SORBS2: variants seen among roughly 807,000 people sequenced by gnomAD.
SORBS2 encodes sorbin and SH3 domain containing 2.
In SORBS2, 46 loss-of-function variants were observed where a neutral mutation model predicts 97.7. The ratio of observed to expected loss-of-function variants is 0.47; its 90% CI spans 0.37 to 0.60. SORBS2 has a LOEUF of 0.60. Among genes scored for constraint, SORBS2 ranks in the 20% least tolerant of loss-of-function variants. The pLI, the probability that SORBS2 is intolerant of heterozygous loss-of-function variation, is 0.00. For synonymous variants in SORBS2, 476 were observed against 473.4 expected, an observed-to-expected ratio of 1.01 and a Z score of -0.07; for missense variants, 1,316 against 1,282.3, an observed-to-expected ratio of 1.03 and a Z score of -0.40.
At chr4:185,646,544 T>C (rs1168830176) in intron 4 of SORBS2, 124 bp downstream of exon 13, 2 of 616,286 alleles carry the variant, frequency 3.2e-6, no homozygotes, top group Non-Finnish European at 5.9e-6. Context: ...TTATACAAAA[T>C]AAACATGATT....
chr4:185,806,938 G>C (rs2099159473), intron 1 of SORBS2, among the ~76,000 whole-genome samples: 1 of 152,064 alleles, frequency 6.6e-6, no homozygotes, highest in African/African-American at 2.4e-5. Context: ...CAAGGAACCT[G>C]AAAAGAAGAA....
intron 1 of SORBS2, among the ~76,000 whole-genome samples, chr4:185,895,389 TCA>T (rs2099244519): frequency 2.0e-5 from 3 of 152,364 alleles, no homozygotes; most frequent in African/African-American, 7.2e-5. Context: ...TCCCTTGTCC[TCA>T]TAACCGAAGC....
intron 1 of SORBS2, among the ~76,000 whole-genome samples, chr4:185,782,137 A>G (rs999652964): frequency 6.6e-6 from 1 of 152,234 alleles, no homozygotes; most frequent in Non-Finnish European, 1.5e-5. Flanking sequence ...ACAAGAGTAC[A>G]TTTTTTGGTT....
At chr4:185,616,691 G>A (rs1299554385) in intron 9 of SORBS2, among the ~76,000 whole-genome samples, 1 of 152,140 alleles carries the variant, frequency 6.6e-6, no homozygotes, top group East Asian at 1.9e-4. Context: ...TCAAAACTGT[G>A]TCCCTCTCAT....
intron 2 of SORBS2, among the ~76,000 whole-genome samples, chr4:185,738,967 C>A (rs2153582283): frequency 6.6e-6 from 1 of 152,308 alleles, no homozygotes; most frequent in Non-Finnish European, 1.5e-5. Context: ...TCTCTATTTG[C>A]ATAGTTAGCT....
intron 1 of SORBS2, among the ~76,000 whole-genome samples, chr4:185,879,005 TTTTGTTTG>T (rs372565455): frequency 2.6e-5 from 4 of 152,074 alleles, no homozygotes; most frequent in South Asian, 2.1e-4. Flanking sequence ...TCGGCTTTGT[TTTTGTTTG>T]TTTGTTTGTT....
chr4:185,737,990 C>T (rs1185596879), intron 2 of SORBS2, among the ~76,000 whole-genome samples: 1 of 152,180 alleles, frequency 6.6e-6, no homozygotes, highest in East Asian at 1.9e-4. Context: ...CTTCGTGAAA[C>T]GGACACACTA....
intron 1 of SORBS2, among the ~76,000 whole-genome samples, chr4:185,897,140 CG>C: frequency 6.6e-6 from 1 of 152,312 alleles, no homozygotes; most frequent in South Asian, 2.1e-4. Flanking sequence ...CCTCCAGGAC[CG>C]TCACAGTAAC....
chr4:185,903,553 G>T (rs2099248905), intron 1 of SORBS2, among the ~76,000 whole-genome samples: 1 of 152,106 alleles, frequency 6.6e-6, no homozygotes, highest in Admixed American at 6.6e-5. Context: ...GGGTCCCTCT[G>T]ATACCTGCTT....
intron 1 of SORBS2, among the ~76,000 whole-genome samples, chr4:185,953,450 G>T (rs2099278164): frequency 6.6e-6 from 1 of 152,186 alleles, no homozygotes; most frequent in Non-Finnish European, 1.5e-5. Flanking sequence ...CTTCTACTCA[G>T]CATTCCCCAA....
chr4:185,900,591 T>C (rs1408686132), intron 1 of SORBS2, among the ~76,000 whole-genome samples: 2 of 152,010 alleles, frequency 1.3e-5, no homozygotes, highest in Admixed American at 6.6e-5. Flanking sequence ...ACAGGTTATA[T>C]AGAGAGAGAA....
At chr4:185,728,936 G>C (rs1351641553) in intron 2 of SORBS2, among the ~76,000 whole-genome samples, 1 of 152,232 alleles carries the variant, frequency 6.6e-6, no homozygotes, top group African/African-American at 2.4e-5. Context: ...GTTTTCTGAG[G>C]GGAGTAAGTG....
chr4:185,830,375 G>C (rs370936352), intron 1 of SORBS2, among the ~76,000 whole-genome samples: 3 of 152,344 alleles, frequency 2.0e-5, no homozygotes, highest in African/African-American at 7.2e-5. Context: ...GTGCTGTGAG[G>C]TGGGTCAGCA....
chr4:185,825,239 A>G (rs1291145570), intron 1 of SORBS2, among the ~76,000 whole-genome samples: 1 of 149,188 alleles, frequency 6.7e-6, no homozygotes, highest in African/African-American at 2.5e-5. Context: ...ACTGAGTATC[A>G]TTTATAATTT....
At chr4:185,685,331 T>G (rs989214930) in intron 2 of SORBS2, among the ~76,000 whole-genome samples, 1 of 152,206 alleles carries the variant, frequency 6.6e-6, no homozygotes, top group African/African-American at 2.4e-5. Context: ...CTTGAATAAT[T>G]CTTGCAGTAA....
chr4:185,754,988 T>C (rs1188004835), intron 2 of SORBS2, among the ~76,000 whole-genome samples: 1 of 152,222 alleles, frequency 6.6e-6, no homozygotes. Context: ...TTTGTGAAAA[T>C]GTGCAGCATT....
intron 13 of SORBS2, among the ~76,000 whole-genome samples, chr4:185,590,226 C>A (rs1290584812): frequency 1.3e-5 from 2 of 152,188 alleles, no homozygotes; most frequent in Admixed American, 1.3e-4. Flanking sequence ...TTTTAGCTAG[C>A]CATAATCAGA....
At chr4:185,828,255 A>G (rs970113769) in intron 1 of SORBS2, among the ~76,000 whole-genome samples, 1 of 152,028 alleles carries the variant, frequency 6.6e-6, no homozygotes, top group African/African-American at 2.4e-5. Flanking sequence ...AGTTGCCCCA[A>G]AGGAAGACAA....
intron 1 of SORBS2, among the ~76,000 whole-genome samples, chr4:185,941,542 T>C (rs1399089185): frequency 4.6e-5 from 7 of 152,206 alleles, no homozygotes; most frequent in Non-Finnish European, 1.0e-4. Context: ...CATTGCTTCT[T>C]ATAATCTCAC....
Sources: gnomAD v4.1 joint callset for allele counts (sites outside exome capture counted in the v4.1 genomes callset) on GRCh38, gnomAD v4.1.1 for gene constraint, MANE v1.5 for transcripts, NCBI Gene and HGNC (gene_info 2026-07-23, HGNC 2026-07-21) for gene names.